The following SLC7A4 variants were observed in gnomAD, a reference collection of about 807,000 sequenced individuals.
The protein encoded by SLC7A4 is solute carrier family 7 member 4, also known as cationic amino acid transporter 4.
SLC7A4 carries 30 observed loss-of-function variants against 37.8 expected under a neutral mutation model. The ratio of observed to expected loss-of-function variants is 0.79; its 90% CI spans 0.59 to 1.08. The LOEUF (loss-of-function observed/expected upper bound fraction) is 1.08, where lower values mean the gene tolerates loss of function less well. Ranked by LOEUF, SLC7A4 falls within the 50% of genes least tolerant of loss-of-function variation. The probability of loss-of-function intolerance (pLI) is 0.00; values close to 1 mark genes in which losing one functional copy is unlikely to be tolerated. For missense variants in SLC7A4, 839 were observed against 843.2 expected (o/e 1.00, Z 0.06); for synonymous variants, 359 against 376.5 (o/e 0.95, Z 0.54).
rs2148114439 is a variant in SLC7A4, at chr22:21,029,792, G to A, written c.1542C>T (p.Leu514=). The change falls in exon 3 of 5, where the codon CTC becomes CTT. Residue 514 remains leucine, a synonymous_variant. Transcript: ENST00000382932. The part of the protein sequence containing the change: ...HLPHWGYILL[L]LLTSVMFLLS... Reference sequence around the variant, plus strand: ...GCAGAAACATGACACTGGTGAGCAGGAGCAGCAGGATGTAACCCCAGTGTG... The same window carrying A: ...GCAGAAACATGACACTGGTGAGCAGAAGCAGCAGGATGTAACCCCAGTGTG... The A allele has an allele frequency of 6.2e-7, 1 of 1,613,510 alleles. No individual in the cohort carries two copies. Among genetic ancestry groups the A allele is most frequent in the Non-Finnish European group, 8.5e-7 (1 of 1,179,986 alleles).
Position 21,031,163 on chromosome 22 carries a change from G to A in SLC7A4, c.650C>T (p.Ala217Val), listed in dbSNP as rs779700216. The stretch of plus-strand genomic sequence containing the variant: ...GTCAGCGCTCCAGTTGTGAGGCTGG[G>A]CCAGGATGAAGCCCAGGATGACAAT... ...LFIVILGFIL[A>V]QPHNWSADEG... Residue 217 changes from alanine to valine, a missense_variant, in exon 2 of 5, where the codon GCC (alanine) becomes GTC (valine). Coordinates refer to ENST00000382932, the MANE Select transcript of SLC7A4 (RefSeq NM_004173.3). The A allele has an allele frequency of 6.2e-7, 1 of 1,613,800 alleles. No homozygotes were observed. The highest frequency in any genetic ancestry group is 1.1e-5 in the South Asian group (1 of 91,056).
chr22:21,029,607 G>T, intron 3 of SLC7A4, 104 bp downstream of exon 3: 1 of 1,297,076 alleles, frequency 7.7e-7, no homozygotes, highest in Non-Finnish European at 1.1e-6. Context: ...TGGGTGTGTG[G>T]TCCTCCCCAG....
chr22:21,028,831 C>T lies in SLC7A4; in HGVS notation c.*224G>A. ...CCAGGTAGCTGGAGCTGATCATAAA[C>T]AAGAAGGCTCTGGGCAGAGTCCATG... On this transcript the variant is annotated 3_prime_UTR_variant, in exon 5 of 5. Transcript: ENST00000382932. The T allele has an allele frequency of 2.1e-6, 1 of 469,152 alleles. No homozygotes were observed. The highest frequency in any genetic ancestry group is 3.7e-6 in the Non-Finnish European group (1 of 267,058). The allele number at this position is 469,152 out of a possible 1,614,324, so 29.1% of individuals were successfully genotyped here. A position where few individuals can be genotyped will look rare whatever the true frequency, so the allele number is the denominator to read the frequency against.
Position 21,031,444 on chromosome 22 carries a change from GA to G in SLC7A4, c.368del (p.Leu123ProfsTer168). The stretch of plus-strand genomic sequence containing the variant: ...CGGCGCCACCGATGATGTATTCGAG[GA>G]GAACATTCCAGCCGATGAGGAAGGC... ...LWAFLIGWNV[L>X]LEYIIGGAAV... On this transcript the variant is annotated frameshift_variant, in exon 2 of 5. Transcript: ENST00000382932. LOFTEE classifies it high-confidence loss of function. 6.2e-7 allele frequency: 1 copy of G among 1,601,604 alleles called. No homozygotes were observed. The highest frequency in any genetic ancestry group is 8.5e-7 in the Non-Finnish European group (1 of 1,173,992).
rs1928840528 is a variant in SLC7A4, at chr22:21,030,236, C to T, written c.1098G>A (p.Val366=). ...VFAHVHPRTQ[V]PVAGTLAFGL... is the part of the protein sequence containing the mutation. ...CGAACGCCAGGGTGCCCGCCACAGGCACCTGTGTCCGGGGGTGCACATGGG... is the reference window on the plus strand; with the variant it reads ...CGAACGCCAGGGTGCCCGCCACAGGTACCTGTGTCCGGGGGTGCACATGGG... Residue 366 remains valine (V), a synonymous_variant, in exon 3 of 5, where the codon GTG becomes GTA. Coordinates refer to ENST00000382932, the MANE Select transcript of SLC7A4 (RefSeq NM_004173.3). The T allele has an allele frequency of 1.9e-6, 3 of 1,613,786 alleles. No individual in the cohort carries two copies. The African/African-American group carries it at 4.0e-5, about 22-fold the overall frequency.
chr22:21,031,217 G>A lies in SLC7A4; in HGVS notation c.596C>T (p.Ser199Leu), dbSNP rs762980149. 1.1e-5 allele frequency: 17 copies of A among 1,613,716 alleles called. No individual in the cohort carries two copies. Among genetic ancestry groups the A allele is most frequent in the Admixed American group, 6.7e-5 (4 of 60,006 alleles). Residue 199 changes from serine to leucine, a missense_variant, in exon 2 of 5, where the codon TCG (serine) becomes TTG (leucine). Coordinates refer to ENST00000382932, the MANE Select transcript of SLC7A4 (RefSeq NM_004173.3). ...GAGAATGACAAGCAGGCTGATGGCC[G>A]AGAAGGTGTGATTGAGCCAGGAGGA... Reference protein sequence around the residue: ...RVSSWLNHTFSAISLLVILFI... With the variant: ...RVSSWLNHTFLAISLLVILFI...
In SLC7A4 at chr22:21,031,479, C is replaced by A; in HGVS notation, c.334G>T (p.Glu112Ter). Residue 112 changes from glutamate (E) to a stop codon, truncating the protein, a stop_gained, in exon 2 of 5, where the codon GAG becomes TAG. Transcript: ENST00000382932. LOFTEE classifies it high-confidence loss of function. ...AYLFTYVSMG[E>*]LWAFLIGWNV... is the part of the protein sequence containing the mutation. The stretch of plus-strand genomic sequence containing the variant: ...CAGCCGATGAGGAAGGCCCACAGCT[C>A]GCCCATGGATACGTAGGTGAACAGG... The A allele has an allele frequency of 6.2e-7, 1 of 1,606,310 alleles. No homozygotes were observed. The highest frequency in any genetic ancestry group is 1.1e-5 in the South Asian group (1 of 89,832).
At position 21,029,228 on chromosome 22, in the gene SLC7A4, G is replaced by A. The variant is rs1399406347; in HGVS notation, c.1735C>T (p.Leu579Phe). ...ATGCCATAGCCGAAATACACTGCAA[G>A]TCCTAGACAGGGCAGGAGGCAGGGC... is the stretch of plus-strand genomic sequence containing the variant. ...VRFSIWLLMG[L>F]AVYFGYGIRH... Residue 579 changes from leucine (L) to phenylalanine (F), a missense_variant and splice_region_variant, in exon 5 of 5, where the codon CTT becomes TTT. Leu to Phe is a conservative substitution (Grantham distance 22). Transcript: ENST00000382932. 2.4e-5 allele frequency: 39 copies of A among 1,613,662 alleles called. No homozygotes were observed. Among genetic ancestry groups the A allele is most frequent in the Non-Finnish European group, 3.1e-5 (37 of 1,179,986 alleles).
rs371900071 is a variant in SLC7A4 at position 21,031,116 on chromosome 22, C to G, written c.697G>C (p.Gly233Arg). 2.5e-6 allele frequency: 4 copies of G among 1,613,762 alleles called. No homozygotes were observed. Among genetic ancestry groups the G allele is most frequent in the East Asian group, 2.2e-5 (1 of 44,876 alleles). ...GTGCCGGCCATGACGCCGGAGAAGC[C>G]GAAGGGTGCAAAGCCGCCTTCGTCA... ...SADEGGFAPF[G>R]FSGVMAGTAS... is the part of the protein sequence containing the mutation. Residue 233 changes from glycine to arginine, a missense_variant, in exon 2 of 5, where the codon GGC (glycine) becomes CGC (arginine). Gly to Arg is a moderately radical substitution (Grantham distance 125, BLOSUM62 -2). Coordinates refer to ENST00000382932, the MANE Select transcript of SLC7A4 (RefSeq NM_004173.3).
Position 21,030,922 on chromosome 22 carries a change from G to A in SLC7A4, c.891C>T (p.His297=). ...CAAGCGCTGAGTCGGGGTCCAGGCT[G>A]TGCCAGGGCACCATGAGGGTTAGCA... The part of the protein sequence containing the change: ...STVLTLMVPW[H]SLDPDSALAD... Residue 297 remains histidine (H), a synonymous_variant, in exon 2 of 5, where the codon CAC becomes CAT. Transcript: ENST00000382932. The A allele has an allele frequency of 6.2e-7, 1 of 1,614,028 alleles. No individual in the cohort carries two copies. The highest frequency in any genetic ancestry group is 8.5e-7 in the Non-Finnish European group (1 of 1,179,984).
chr22:21,031,766 T>C lies in SLC7A4; in HGVS notation c.47A>G (p.Gln16Arg). 6.4e-7 allele frequency: 1 copy of C among 1,559,338 alleles called. No homozygotes were observed. Among genetic ancestry groups the C allele is most frequent in the Admixed American group, 2.0e-5 (1 of 50,982 alleles). Residue 16 changes from glutamine (Q) to arginine (R), a missense_variant, in exon 2 of 5, where the codon CAG becomes CGG. Coordinates refer to ENST00000382932, the MANE Select transcript of SLC7A4 (RefSeq NM_004173.3). ...PTIASLARLC[Q>R]KLNRLKPLED... Reference sequence around the variant, plus strand: ...CAGCGGCTTCAGGCGGTTCAGCTTCTGGCATAAGCGTGCCAGGCTAGCAAT... The same window carrying C: ...CAGCGGCTTCAGGCGGTTCAGCTTCCGGCATAAGCGTGCCAGGCTAGCAAT...
chr22:21,031,041 T>C lies in SLC7A4; in HGVS notation c.772A>G (p.Ser258Gly), dbSNP rs1247893585. 6.2e-7 allele frequency: 1 copy of C among 1,614,078 alleles called. No individual in the cohort carries two copies. Among genetic ancestry groups the C allele is most frequent in the South Asian group, 1.1e-5 (1 of 91,082 alleles). The change falls in exon 2 of 5, where the codon AGT becomes GGT. Residue 258 changes from serine (S) to glycine (G), a missense_variant. Physicochemically the swap from Ser to Gly is moderately conservative, Grantham distance 56. Coordinates refer to ENST00000382932, the MANE Select transcript of SLC7A4 (RefSeq NM_004173.3). ...FVGFDVIAAS[S>G]EEAQNPRRSV... ...CGCCGTGGGTTCTGGGCCTCCTCAC[T>C]GGAGGCGGCAATGACGTCGAAGCCC...
Position 21,030,403 on chromosome 22 carries a change from G to A in SLC7A4, c.983-52C>T, listed in dbSNP as rs970211632. The stretch of plus-strand genomic sequence containing the variant: ...AGCATGGCGGAGAAGCCCACCAGGG[G>A]CCTCTGCTGGGGGTCGGTGCATGGG... On this transcript the variant is annotated intron_variant, in intron 2 of 4. Coordinates refer to ENST00000382932, the MANE Select transcript of SLC7A4 (RefSeq NM_004173.3). The A allele has an allele frequency of 3.2e-6, 5 of 1,544,242 alleles. No individual in the cohort carries two copies. The African/African-American group carries it at 4.1e-5, about 13-fold the overall frequency.
At chr22:21,032,283 A>T (rs1240047158) in intron 1 of SLC7A4, among the ~76,000 whole-genome samples, 1 of 152,120 alleles carries the variant, frequency 6.6e-6, no homozygotes, top group Non-Finnish European at 1.5e-5. Context: ...CCAGGCAGCC[A>T]CCTGGCCACA....
Position 21,031,513 on chromosome 22 carries a change from G to A in SLC7A4, c.300C>T (p.Gly100=). The change falls in exon 2 of 5, where the codon GGC becomes GGT. Residue 100 remains glycine (G), a synonymous_variant. Transcript: ENST00000382932. ...ATACGTAGGTGAACAGGTAGGCAGA[G>A]CCCGTGCGTGGCACACGTGCCCCAA... ...AEFGARVPRT[G]SAYLFTYVSM... The A allele has an allele frequency of 6.2e-7, 1 of 1,610,716 alleles. No homozygotes were observed. Among genetic ancestry groups the A allele is most frequent in the Non-Finnish European group, 8.5e-7 (1 of 1,178,958 alleles).
Position 21,031,410 on chromosome 22 carries a change from G to A in SLC7A4, c.403C>T (p.Arg135Cys), listed in dbSNP as rs752134918. The change falls in exon 2 of 5, where the codon CGT (arginine) becomes TGT (cysteine). Residue 135 changes from arginine (R) to cysteine (C), a missense_variant. By Grantham distance (180) the Arg-to-Cys change is radical. Coordinates refer to ENST00000382932, the MANE Select transcript of SLC7A4 (RefSeq NM_004173.3). ...GAGTCCAGGTAGCCACTCCAGGCAC[G>A]GGCCACGGCGGCGCCACCGATGATG... is the stretch of plus-strand genomic sequence containing the variant. ...EYIIGGAAVA[R>C]AWSGYLDSMF... The A allele has an allele frequency of 1.6e-5, 26 of 1,603,844 alleles. No homozygotes were observed. The highest frequency in any genetic ancestry group is 2.7e-5 in the African/African-American group (2 of 74,748).
rs758934755 is a variant in SLC7A4 at position 21,031,414 on chromosome 22, C to T, written c.399G>A (p.Val133=). 11 of 1,603,276 alleles carry T rather than the reference C, an allele frequency of 6.9e-6. No individual in the cohort carries two copies. The highest frequency in any genetic ancestry group is 9.4e-6 in the Non-Finnish European group (11 of 1,175,288). The change falls in exon 2 of 5, where the codon GTG becomes GTA. Residue 133 remains valine, a synonymous_variant. Coordinates refer to ENST00000382932, the MANE Select transcript of SLC7A4 (RefSeq NM_004173.3). ...LLEYIIGGAA[V]ARAWSGYLDS... ...CCAGGTAGCCACTCCAGGCACGGGC[C>T]ACGGCGGCGCCACCGATGATGTATT...
In SLC7A4 at chr22:21,029,316, C is replaced by T; in HGVS notation, c.1732+20G>A. 1.2e-6 allele frequency: 2 copies of T among 1,612,356 alleles called. No individual in the cohort carries two copies. On this transcript the variant is annotated intron_variant, in intron 4 of 4. Transcript: ENST00000382932. ...CTTTGCCCTCCTCCTGACCCCGGTC[C>T]CAGCCTGGCCCCCACTCACCCATCA...
rs1928779047 is a variant in SLC7A4 at position 21,029,041 on chromosome 22, T to C, written c.*14A>G. ...AGCAGGTGTGGGAGGGCGGGGCAAG[T>C]GTGGGCTGATCAGCTACTCCATATG... On this transcript the variant is annotated 3_prime_UTR_variant, in exon 5 of 5. Transcript: ENST00000382932. 2 of 1,593,316 alleles carry C rather than the reference T, an allele frequency of 1.3e-6. No individual in the cohort carries two copies. The highest frequency in any genetic ancestry group is 8.5e-7 in the Non-Finnish European group (1 of 1,171,444).
Sources: gnomAD v4.1 joint callset for allele counts (sites outside exome capture counted in the v4.1 genomes callset) on GRCh38, gnomAD v4.1.1 for gene constraint, MANE v1.5 for transcripts, NCBI Gene and HGNC (gene_info 2026-07-23, HGNC 2026-07-21) for gene names.